Variants in GRIK3 observed in about 807,000 individuals in gnomAD.
GRIK3 encodes glutamate receptor ionotropic, kainate 3.
GRIK3 carries 29 observed loss-of-function variants against 102.5 expected under a neutral mutation model. The observed-to-expected ratio is 0.28, with a 90% CI of 0.21 to 0.39. The LOEUF is 0.39. Ranked by LOEUF, GRIK3 falls within the 10% of genes least tolerant of loss-of-function variation. GRIK3 has a pLI of 1.00. For missense variants in GRIK3, 908 were observed against 1,252.4 expected (o/e 0.73, Z 4.15); for synonymous variants, 511 against 504.9 (o/e 1.01, Z -0.16).
intron 1 of GRIK3, among the ~76,000 whole-genome samples, chr1:36,943,945 C>T (rs1165917085): frequency 6.6e-6 from 1 of 152,218 alleles, no homozygotes; most frequent in Non-Finnish European, 1.5e-5. Context: ...CAGGTATCTC[C>T]ATATGGGTGA....
chr1:36,810,406 C>T (rs141440267), intron 13 of GRIK3, among the ~76,000 whole-genome samples: 254 of 152,308 alleles, frequency 1.7e-3, no homozygotes, highest in Middle Eastern at 6.8e-3. Flanking sequence ...CAATACACGG[C>T]GGTGTGCCAG....
intron 2 of GRIK3, among the ~76,000 whole-genome samples, chr1:36,887,666 G>T (rs963727974): frequency 6.6e-6 from 1 of 151,204 alleles, no homozygotes; most frequent in Non-Finnish European, 1.5e-5. Flanking sequence ...TGAGGCAGGA[G>T]AATTGCTTGA....
chr1:36,943,215 G>A (rs1230868853), intron 1 of GRIK3, among the ~76,000 whole-genome samples: 1 of 151,616 alleles, frequency 6.6e-6, no homozygotes, highest in African/African-American at 2.4e-5. Flanking sequence ...AGGAGATGAG[G>A]GTGGTTGTTG....
In GRIK3 at chr1:36,801,760, A is replaced by C; in HGVS notation, c.*91T>G. Reference sequence around the variant, plus strand: ...AGGCAGGTGGCAGCTCTGGTCCCCAAGCCCAGTGCGGGGACAGGGGACGTT... The same window carrying C: ...AGGCAGGTGGCAGCTCTGGTCCCCACGCCCAGTGCGGGGACAGGGGACGTT... On this transcript the variant is annotated 3_prime_UTR_variant, in exon 16 of 16. Coordinates refer to ENST00000373091, the MANE Select transcript of GRIK3 (RefSeq NM_000831.4). 1 of 1,142,550 alleles carries C rather than the reference A, an allele frequency of 8.8e-7. No homozygotes were observed. The highest frequency in any genetic ancestry group is 1.2e-6 in the Non-Finnish European group (1 of 830,520). The allele number at this position is 1,142,550 out of a possible 1,614,324, so 70.8% of individuals were successfully genotyped here.
rs116239000 is a variant in GRIK3, at chr1:36,885,282, G to A, written c.293-4391C>T. On this transcript the variant is annotated intron_variant, in intron 2 of 15. Coordinates refer to ENST00000373091, the MANE Select transcript of GRIK3 (RefSeq NM_000831.4). ...TGATGAGAGAGGAGGTGATCACAAC[G>A]TTGATGGTACTGACAGTATCAGTGG... 5.1e-3 allele frequency among the ~76,000 whole-genome samples: 773 copies of A among 152,278 alleles called. 2 individuals are homozygous for A. Among genetic ancestry groups the A allele is most frequent in the African/African-American group, 0.017 (723 of 41,554 alleles).
At chr1:36,977,334 T>C (rs1642205851) in intron 1 of GRIK3, among the ~76,000 whole-genome samples, 1 of 152,194 alleles carries the variant, frequency 6.6e-6, no homozygotes, top group South Asian at 2.1e-4. Flanking sequence ...AGATGCACTA[T>C]TATACTAAAG....
chr1:36,924,590 A>C (rs989597019), intron 1 of GRIK3, among the ~76,000 whole-genome samples: 2 of 152,144 alleles, frequency 1.3e-5, no homozygotes, highest in African/African-American at 4.8e-5. Context: ...GCACAGCCAG[A>C]GCCTCCTAAT....
chr1:36,826,852 T>C (rs1454611067), intron 10 of GRIK3, among the ~76,000 whole-genome samples: 2 of 152,122 alleles, frequency 1.3e-5, no homozygotes, highest in Admixed American at 6.5e-5. Flanking sequence ...AATTTTTTGG[T>C]CTGAGATTTT....
At chr1:37,011,810 C>CAG (rs1642599332) in intron 1 of GRIK3, among the ~76,000 whole-genome samples, 1 of 152,208 alleles carries the variant, frequency 6.6e-6, no homozygotes, top group African/African-American at 2.4e-5. Flanking sequence ...CTCTTCCATG[C>CAG]AGAGACGCAT....
intron 1 of GRIK3, among the ~76,000 whole-genome samples, chr1:36,932,865 C>G (rs1455114874): frequency 1.3e-5 from 2 of 152,130 alleles, no homozygotes; most frequent in Non-Finnish European, 2.9e-5. Flanking sequence ...ATCTCCAGCC[C>G]AGGGCCTGGC....
At chr1:36,989,664 C>G (rs1642344202) in intron 1 of GRIK3, among the ~76,000 whole-genome samples, 1 of 152,174 alleles carries the variant, frequency 6.6e-6, no homozygotes, top group African/African-American at 2.4e-5. Flanking sequence ...CTTCCCTGCC[C>G]AGTCTCTCCC....
chr1:36,949,579 T>C (rs900902795), intron 1 of GRIK3, among the ~76,000 whole-genome samples: 7 of 120,294 alleles, frequency 5.8e-5, no homozygotes, highest in Non-Finnish European at 9.6e-5. Context: ...TCTTTCTTTT[T>C]TTTTTTTTTT....
Position 36,819,523 on chromosome 1 carries a change from C to G in GRIK3, c.1873+213G>C, listed in dbSNP as rs1193922598. ...TGGGTGGTTTTCTTAGCTTTAGACC[C>G]TGAGCCAGCTCCAGCCAGAGTGAAG... On this transcript the variant is annotated intron_variant, in intron 12 of 15. Coordinates refer to ENST00000373091, the MANE Select transcript of GRIK3 (RefSeq NM_000831.4). This position sits in a 1 kb window ranked among gnomAD's most constrained non-coding sequence, Gnocchi z 4.1. 6.6e-6 allele frequency among the ~76,000 whole-genome samples: 1 copy of G among 152,230 alleles called. No individual in the cohort carries two copies. Among genetic ancestry groups the G allele is most frequent in the Non-Finnish European group, 1.5e-5 (1 of 68,030 alleles).
chr1:36,968,402 T>A (rs16823726), intron 1 of GRIK3, among the ~76,000 whole-genome samples: 5,595 of 152,168 alleles, frequency 0.037, 205 homozygotes, highest in African/African-American at 0.098. Flanking sequence ...GGAGTGACAC[T>A]CATTCCCATA....
At chr1:36,888,465 T>G (rs113059944) in intron 2 of GRIK3, among the ~76,000 whole-genome samples, 1,708 of 152,254 alleles carry the variant, frequency 0.011, 29 homozygotes, top group African/African-American at 0.039. Flanking sequence ...TTTTTCTTGA[T>G]CTAGCTTGAG....
chr1:36,909,278 A>G (rs1336196067), intron 1 of GRIK3, among the ~76,000 whole-genome samples: 2 of 150,976 alleles, frequency 1.3e-5, no homozygotes, highest in Non-Finnish European at 2.9e-5. Flanking sequence ...AAATAAGCAG[A>G]TACTACAAAT....
rs568635902 is a variant in GRIK3 at position 36,812,283 on chromosome 1, C to T, written c.2091+4777G>A. Among the ~76,000 whole-genome samples, 75 of 152,156 alleles carry T rather than the reference C, an allele frequency of 4.9e-4. 1 individual carries two copies. The highest frequency in any genetic ancestry group is 1.8e-3 in the African/African-American group (73 of 41,530). On this transcript the variant is annotated intron_variant, in intron 13 of 15. Transcript: ENST00000373091. ...GATGGCCTGACAATGACCAGGGGCCCAGGGAACCTGGCATTCTCGGGCTCC... is the reference window on the plus strand; with the variant it reads ...GATGGCCTGACAATGACCAGGGGCCTAGGGAACCTGGCATTCTCGGGCTCC...
chr1:36,886,702 G>A (rs533215192), intron 2 of GRIK3, among the ~76,000 whole-genome samples: 2 of 152,174 alleles, frequency 1.3e-5, no homozygotes, highest in Non-Finnish European at 2.9e-5. Flanking sequence ...GCACATGACT[G>A]TTATGAATTT....
intron 9 of GRIK3, among the ~76,000 whole-genome samples, chr1:36,847,113 C>T (rs1043902031): frequency 6.6e-6 from 1 of 152,344 alleles, no homozygotes; most frequent in African/African-American, 2.4e-5. Flanking sequence ...TTTGATACTA[C>T]ATGATGGGGT....
Sources: gnomAD v4.1 joint callset for allele counts (sites outside exome capture counted in the v4.1 genomes callset) on GRCh38, gnomAD v4.1.1 for gene constraint, Gnocchi (gnomAD v3.1) non-coding constraint, MANE v1.5 for transcripts, NCBI Gene and HGNC (gene_info 2026-07-23, HGNC 2026-07-21) for gene names.